ITLN2: variants seen among roughly 807,000 people sequenced by gnomAD.
The protein encoded by ITLN2 is intelectin 2.
A neutral mutation model predicts 39.4 loss-of-function variants in ITLN2; 29 were observed. The ratio of observed to expected loss-of-function variants is 0.74; its 90% CI spans 0.55 to 1.00. The LOEUF (loss-of-function observed/expected upper bound fraction) is 1.00, where lower values mean the gene tolerates loss of function less well. ITLN2 is among the 50% of genes least tolerant of loss of function. The probability of loss-of-function intolerance (pLI) is 0.00; values close to 1 mark genes in which losing one functional copy is unlikely to be tolerated. For synonymous variants in ITLN2, 156 were observed against 153.4 expected (o/e 1.02, Z -0.12); for missense variants, 412 against 416.7 (o/e 0.99, Z 0.10).
chr1:160,949,848 G>A, intron 6 of ITLN2, 198 bp downstream of exon 6: 1 of 550,512 alleles, frequency 1.8e-6, no homozygotes. Flanking sequence ...GCTGTGAAAT[G>A]GGGATAACAG....
chr1:160,950,504 G>T, intron 5 of ITLN2, 49 bp downstream of exon 5: 1 of 1,592,376 alleles, frequency 6.3e-7, no homozygotes, highest in East Asian at 2.2e-5. Context: ...TAGACACTTC[G>T]ATCTCTGTTC....
At position 160,951,110 on chromosome 1, in the gene ITLN2, C is replaced by T. The variant is rs748974039; in HGVS notation, c.374G>A (p.Gly125Glu). ...QQGNKADYPEGDGNWANYNTF... is the reference protein window; with the variant it reads ...QQGNKADYPEEDGNWANYNTF... Reference sequence around the variant, plus strand: ...GTTGTAGTTGGCCCAGTTGCCATCCCCCTCTGGGTAGTCTGCTTTGTTGCC... The same window carrying T: ...GTTGTAGTTGGCCCAGTTGCCATCCTCCTCTGGGTAGTCTGCTTTGTTGCC... Residue 125 changes from glycine (G) to glutamate (E), a missense_variant, in exon 4 of 8, where the codon GGG (glycine) becomes GAG (glutamate). Physicochemically the swap from Gly to Glu is moderately conservative, Grantham distance 98. Coordinates refer to ENST00000368029, the MANE Select transcript of ITLN2 (RefSeq NM_080878.3). 9.9e-6 allele frequency: 16 copies of T among 1,614,052 alleles called. No homozygotes were observed. The East Asian group carries it at 2.9e-4, about 29-fold the overall frequency.
At chr1:160,948,335 G>A (rs1473760696) in intron 6 of ITLN2, among the ~76,000 whole-genome samples, 5 of 152,198 alleles carry the variant, frequency 3.3e-5, no homozygotes. Flanking sequence ...TTACCAAAAA[G>A]ATCTGAGAAG....
chr1:160,954,255 G>T, intron 2 of ITLN2, 132 bp downstream of exon 2: 1 of 701,472 alleles, frequency 1.4e-6, no homozygotes, highest in Non-Finnish European at 2.4e-6. Flanking sequence ...GCCTAGCCTG[G>T]GTTCCCTGCC....
intron 5 of ITLN2, 37 bp downstream of exon 5, chr1:160,950,516 C>T (rs142483717): frequency 1.9e-5 from 30 of 1,604,082 alleles, no homozygotes; most frequent in Non-Finnish European, 2.4e-5. Context: ...TCTCTGTTCA[C>T]CAAAGAAAGT....
chr1:160,950,703 G>A lies in ITLN2; in HGVS notation c.450C>T (p.Gly150=), dbSNP rs976678278. The change falls in exon 5 of 8, where the codon GGC becomes GGT. Residue 150 remains glycine, a synonymous_variant. Transcript: ENST00000368029. ...GGTCCTTGGCCTGGATGTCGTAGTA[G>A]CCAGGGTTCTGGAAAGCAACAGACA... ...AATSDDYKNP[G]YYDIQAKDLG... is the part of the protein sequence containing the mutation. 7 of 1,612,568 alleles carry A rather than the reference G, an allele frequency of 4.3e-6. No homozygotes were observed. The highest frequency in any genetic ancestry group is 3.3e-5 in the Admixed American group (2 of 59,914).
chr1:160,950,704 C>T lies in ITLN2; in HGVS notation c.449G>A (p.Gly150Asp). The T allele has an allele frequency of 6.2e-7, 1 of 1,612,336 alleles. No homozygotes were observed. Among genetic ancestry groups the T allele is most frequent in the Non-Finnish European group, 8.5e-7 (1 of 1,179,074 alleles). The change falls in exon 5 of 8, where the codon GGC becomes GAC. Residue 150 changes from glycine to aspartate, a missense_variant. By Grantham distance (94) the Gly-to-Asp change is moderately conservative. Coordinates refer to ENST00000368029, the MANE Select transcript of ITLN2 (RefSeq NM_080878.3). ...AATSDDYKNP[G>D]YYDIQAKDLG... is the part of the protein sequence containing the mutation. ...GTCCTTGGCCTGGATGTCGTAGTAG[C>T]CAGGGTTCTGGAAAGCAACAGACAC...
intron 7 of ITLN2, among the ~76,000 whole-genome samples, chr1:160,946,752 A>C (rs1347800919): frequency 6.6e-6 from 1 of 152,074 alleles, no homozygotes; most frequent in African/African-American, 2.4e-5. Flanking sequence ...CTTCAAAGAA[A>C]AAAAAAGAAA....
At chr1:160,946,716 G>GA (rs1376974739) in intron 7 of ITLN2, among the ~76,000 whole-genome samples, 30 of 91,234 alleles carry the variant, frequency 3.3e-4, no homozygotes, top group South Asian at 1.7e-3. Flanking sequence ...CTGTCTCAAA[G>GA]AAAAAAAAAA....
intron 7 of ITLN2, among the ~76,000 whole-genome samples, chr1:160,946,741 T>C (rs1671614107): frequency 6.7e-6 from 1 of 149,034 alleles, no homozygotes; most frequent in Non-Finnish European, 1.5e-5. Flanking sequence ...AGAAAAGGAC[T>C]CTTCAAAGAA....
rs1447771855 is a variant in ITLN2 at position 160,952,582 on chromosome 1, G to A, written c.193+38C>T. ...CTGGGCTCTGTTGAGCTAAAAAGTGGCTTCAAAGAGAGAATGCTGAGTTGG... is the reference window on the plus strand; with the variant it reads ...CTGGGCTCTGTTGAGCTAAAAAGTGACTTCAAAGAGAGAATGCTGAGTTGG... On this transcript the variant is annotated intron_variant, in intron 3 of 7. Transcript: ENST00000368029. The A allele has an allele frequency of 4.9e-6, 7 of 1,428,048 alleles. 1 individual carries two copies. The highest frequency in any genetic ancestry group is 6.9e-6 in the Non-Finnish European group (7 of 1,010,756). 88.5% of individuals were successfully genotyped at this position (1,428,048 alleles called of 1,614,324 possible). A position where few individuals can be genotyped will look rare whatever the true frequency, so the allele number is the denominator to read the frequency against.
intron 1 of ITLN2, 61 bp downstream of exon 1, chr1:160,954,666 A>T: frequency 6.3e-7 from 1 of 1,596,400 alleles, no homozygotes; most frequent in Non-Finnish European, 8.6e-7. Context: ...AAATCTCTAA[A>T]ACTGAGACCT....
At chr1:160,946,727 A>G (rs1028643908) in intron 7 of ITLN2, among the ~76,000 whole-genome samples, 7 of 151,928 alleles carry the variant, frequency 4.6e-5, no homozygotes, top group Non-Finnish European at 1.0e-4. Context: ...AAAAAAAAAA[A>G]GAAAGAAAAG....
At chr1:160,950,451 T>G (rs1292858935) in intron 5 of ITLN2, 102 bp downstream of exon 5, 1 of 1,368,108 alleles carries the variant, frequency 7.3e-7, no homozygotes, top group Non-Finnish European at 1.0e-6. Context: ...AGCCAACCAC[T>G]CAGTAGTGAT....
At position 160,945,171 on chromosome 1, in the gene ITLN2, G is replaced by A. The variant is rs760373893; in HGVS notation, c.947C>T (p.Thr316Met). Residue 316 changes from threonine to methionine, a missense_variant, in exon 8 of 8, where the codon ACG becomes ATG. Coordinates refer to ENST00000368029, the MANE Select transcript of ITLN2 (RefSeq NM_080878.3). Reference sequence around the variant, plus strand: ...ATAGAACAAGAGTACAGCCGCCTCCGTTATCTCCCGACTGCAGCTGCTCTT... The same window carrying A: ...ATAGAACAAGAGTACAGCCGCCTCCATTATCTCCCGACTGCAGCTGCTCTT... ...HVKSSCSREI[T>M]EAAVLLFYR 6.2e-6 allele frequency: 10 copies of A among 1,605,060 alleles called. No homozygotes were observed. The highest frequency in any genetic ancestry group is 2.3e-5 in the East Asian group (1 of 44,108).
intron 1 of ITLN2, 54 bp downstream of exon 1, chr1:160,954,673 A>G: frequency 6.2e-7 from 1 of 1,601,802 alleles, no homozygotes; most frequent in Non-Finnish European, 8.6e-7. Flanking sequence ...TAAAACTGAG[A>G]CCTGAGCTGG....
intron 2 of ITLN2, among the ~76,000 whole-genome samples, chr1:160,953,096 C>T (rs1671782713): frequency 6.6e-6 from 1 of 152,106 alleles, no homozygotes; most frequent in Admixed American, 6.5e-5. Flanking sequence ...GGGGAAGGGA[C>T]CAGCTGTAAC....
At chr1:160,952,565 T>G in intron 3 of ITLN2, 55 bp downstream of exon 3, 1 of 1,221,618 alleles carries the variant, frequency 8.2e-7, no homozygotes, top group South Asian at 1.2e-5. Flanking sequence ...GACTGGGCTC[T>G]GTTGAGCTAA....
At chr1:160,950,744 C>T in intron 4 of ITLN2, 33 bp from the exon 5 acceptor site, 1 of 1,585,748 alleles carries the variant, frequency 6.3e-7, no homozygotes, top group South Asian at 1.2e-5. Context: ...CCTGACTGGG[C>T]CAGGAGGTAC....
Sources: allele counts gnomAD v4.1 joint callset (sites outside exome capture counted in the v4.1 genomes callset), GRCh38; gene constraint gnomAD v4.1.1; transcripts MANE v1.5; gene names NCBI Gene and HGNC (gene_info 2026-07-23, HGNC 2026-07-21).